The following NLGN1 variants were observed in gnomAD, a reference collection of about 807,000 sequenced individuals.
NLGN1 encodes the protein neuroligin 1, also known as neuroligin-1.
Under a neutral mutation model 65.5 loss-of-function variants are expected in NLGN1, and 12 were observed. That is an observed-to-expected ratio of 0.18 (90% CI 0.12 to 0.30). The LOEUF (loss-of-function observed/expected upper bound fraction) is 0.30. Among genes scored for constraint, NLGN1 ranks in the 10% least tolerant of loss-of-function variants. NLGN1 has a pLI of 1.00. For missense variants in NLGN1, 750 were observed against 1,007.1 expected (o/e 0.74, Z 3.46); for synonymous variants, 350 against 359.5 (o/e 0.97, Z 0.30).
intron 4 of NLGN1, among the ~76,000 whole-genome samples, chr3:173,968,228 A>G (rs1715316468): frequency 6.6e-6 from 1 of 152,190 alleles, no homozygotes; most frequent in Admixed American, 6.5e-5. Context: ...ATAACACCTG[A>G]TCTTGTTTAG....
intron 4 of NLGN1, among the ~76,000 whole-genome samples, chr3:173,862,366 C>T (rs1421606847): frequency 4.6e-5 from 7 of 151,088 alleles, no homozygotes; most frequent in East Asian, 2.0e-4. Flanking sequence ...ATTAGCCGGG[C>T]GTAGTGGCGG....
At chr3:174,068,009 G>GTGTT (rs1363245973) in intron 4 of NLGN1, among the ~76,000 whole-genome samples, 1 of 152,160 alleles carries the variant, frequency 6.6e-6, no homozygotes, top group East Asian at 1.9e-4. Context: ...TGAGGCTGGA[G>GTGTT]TGTTTGTTTC....
chr3:173,397,735 C>G (rs1716864593), upstream of NLGN1: 1 of 152,146 alleles, frequency 6.6e-6, no homozygotes, highest in Non-Finnish European at 1.5e-5. Context: ...TGTGGGCGGG[C>G]GGGGGAGCGC....
chr3:174,168,146 A>C (rs1727877638), intron 4 of NLGN1, among the ~76,000 whole-genome samples: 1 of 151,752 alleles, frequency 6.6e-6, no homozygotes, highest in Non-Finnish European at 1.5e-5. Context: ...CTCTGTGTTG[A>C]TTTTCAACTT....
At chr3:174,054,509 T>C (rs566303899) in intron 4 of NLGN1, among the ~76,000 whole-genome samples, 12 of 152,144 alleles carry the variant, frequency 7.9e-5, no homozygotes, top group Admixed American at 7.9e-4. Context: ...TTATTCTCTA[T>C]TTTAGTTTCT....
At chr3:173,781,847 C>T (rs1410619658) in intron 3 of NLGN1, among the ~76,000 whole-genome samples, 1 of 152,164 alleles carries the variant, frequency 6.6e-6, no homozygotes, top group Non-Finnish European at 1.5e-5. Flanking sequence ...CACTGGTACT[C>T]TTGGTAGAGT....
At chr3:173,719,180 GA>G (rs1770383363) in intron 3 of NLGN1, among the ~76,000 whole-genome samples, 1 of 152,176 alleles carries the variant, frequency 6.6e-6, no homozygotes, top group African/African-American at 2.4e-5. Context: ...TGGATGGATG[GA>G]TCAATCAGTT....
intron 2 of NLGN1, among the ~76,000 whole-genome samples, chr3:173,589,566 A>G (rs1010014013): frequency 3.3e-5 from 5 of 152,316 alleles, no homozygotes; most frequent in South Asian, 4.1e-4. Context: ...GAAGAGATTG[A>G]ATATTGGGCA....
chr3:174,064,947 T>C (rs1261859657), intron 4 of NLGN1, among the ~76,000 whole-genome samples: 5 of 151,384 alleles, frequency 3.3e-5, no homozygotes, highest in African/African-American at 1.2e-4. Flanking sequence ...TATATTGTCT[T>C]ATAAAACATT....
At chr3:174,071,218 G>C (rs1024083185) in intron 4 of NLGN1, among the ~76,000 whole-genome samples, 14 of 152,128 alleles carry the variant, frequency 9.2e-5, no homozygotes, top group African/African-American at 2.9e-4. Flanking sequence ...CATTTATTCA[G>C]AATTTTATTT....
intron 3 of NLGN1, among the ~76,000 whole-genome samples, chr3:173,782,091 G>C (rs1430655088): frequency 1.1e-5 from 1 of 91,910 alleles, no homozygotes; most frequent in Non-Finnish European, 2.6e-5. Context: ...AAGAGCTTTG[G>C]AAGTGTCTTT....
chr3:173,481,529 CT>C (rs776541593), intron 2 of NLGN1, among the ~76,000 whole-genome samples: 2 of 151,688 alleles, frequency 1.3e-5, no homozygotes, highest in Non-Finnish European at 3.0e-5. Context: ...TTTACATAAT[CT>C]TCAATATGAC....
intron 4 of NLGN1, among the ~76,000 whole-genome samples, chr3:174,030,428 A>C (rs549330008): frequency 6.6e-6 from 1 of 152,256 alleles, no homozygotes; most frequent in East Asian, 1.9e-4. Context: ...CCAGCCAGCT[A>C]TTCTTAATAC....
At chr3:173,934,261 A>G (rs1270208351) in intron 4 of NLGN1, among the ~76,000 whole-genome samples, 4 of 148,856 alleles carry the variant, frequency 2.7e-5, no homozygotes, top group Non-Finnish European at 5.9e-5. Flanking sequence ...ATATAATACT[A>G]TATAGTATTA....
rs150124924 is a variant in NLGN1 at position 173,597,059 on chromosome 3, C to A, written c.-320-7220C>A. ...GCTGCAAATTATGACTATTAACTAACCCCGGCAAGCAGATGAGCAGCCTTT... is the reference window on the plus strand; with the variant it reads ...GCTGCAAATTATGACTATTAACTAAACCCGGCAAGCAGATGAGCAGCCTTT... On this transcript the variant is annotated intron_variant, in intron 2 of 6. Coordinates refer to ENST00000457714, the Ensembl canonical transcript of NLGN1. Among the ~76,000 whole-genome samples, 918 of 152,254 alleles carry A rather than the reference C, an allele frequency of 6.0e-3. 11 individuals are homozygous for A. The highest frequency in any genetic ancestry group is 0.021 in the African/African-American group (852 of 41,544).
chr3:173,491,933 T>G (rs1482642541), intron 2 of NLGN1, among the ~76,000 whole-genome samples: 13 of 151,778 alleles, frequency 8.6e-5, no homozygotes, highest in Non-Finnish European at 1.9e-4. Flanking sequence ...ATTCCATTTA[T>G]TCTACTACTT....
intron 2 of NLGN1, among the ~76,000 whole-genome samples, chr3:173,449,616 CTTG>C (rs1721090495): frequency 1.3e-5 from 2 of 151,692 alleles, no homozygotes; most frequent in Non-Finnish European, 2.9e-5. Flanking sequence ...CCTGGATATC[CTTG>C]TTAACTTTCT....
At chr3:174,249,952 C>G (rs1744477565) in intron 4 of NLGN1, among the ~76,000 whole-genome samples, 1 of 152,070 alleles carries the variant, frequency 6.6e-6, no homozygotes, top group African/African-American at 2.4e-5. Flanking sequence ...AAGGTTGTAG[C>G]TTGGATGATT....
intron 4 of NLGN1, among the ~76,000 whole-genome samples, chr3:174,265,795 A>ATATG (rs1748035640): frequency 6.8e-6 from 1 of 147,014 alleles, no homozygotes; most frequent in Non-Finnish European, 1.5e-5. Flanking sequence ...ATATATATAT[A>ATATG]TATATAGCCA....
Sources: gnomAD v4.1 joint callset for allele counts (sites outside exome capture counted in the v4.1 genomes callset) on GRCh38, gnomAD v4.1.1 for gene constraint, MANE v1.5 for transcripts, NCBI Gene and HGNC (gene_info 2026-07-23, HGNC 2026-07-21) for gene names.